NDST3: variants seen among roughly 807,000 people sequenced by gnomAD.
The protein encoded by NDST3 is N-deacetylase and N-sulfotransferase 3, also known as bifunctional heparan sulfate N-deacetylase/N-sulfotransferase 3.
In NDST3, 58 loss-of-function variants were observed where a neutral mutation model predicts 96.1. The ratio of observed to expected loss-of-function variants is 0.60; its 90% CI spans 0.49 to 0.75. The LOEUF is 0.75. NDST3 is among the 30% of genes least tolerant of loss of function. The pLI is 0.00. For synonymous variants in NDST3, 333 were observed against 359.7 expected (o/e 0.93, Z 0.84); for missense variants, 788 against 1,034.2 (o/e 0.76, Z 3.27).
At chr4:118,058,624 TGTGTGTGTGTGCGC>T (rs1323277250) in intron 2 of NDST3, among the ~76,000 whole-genome samples, 959 of 41,308 alleles carry the variant, frequency 0.023, 17 homozygotes, top group African/African-American at 0.037. Context: ...TGTGTGTGTG[TGTGTGTGTGTGCGC>T]GCGCGCGCAC....
chr4:118,239,912 C>T (rs1740904154), intron 10 of NDST3, among the ~76,000 whole-genome samples: 2 of 148,798 alleles, frequency 1.3e-5, no homozygotes, highest in Admixed American at 6.6e-5. Flanking sequence ...CTGCTTTCTG[C>T]ATTTTCTGCA....
intron 6 of NDST3, among the ~76,000 whole-genome samples, chr4:118,178,854 T>A (rs570946359): frequency 5.3e-5 from 8 of 152,072 alleles, no homozygotes; most frequent in Non-Finnish European, 8.8e-5. Context: ...TTATTTCCTG[T>A]TGCTTTGATA....
intron 2 of NDST3, chr4:118,055,742 G>C (rs1201978435): frequency 6.6e-6 from 1 of 151,776 alleles, no homozygotes; most frequent in Non-Finnish European, 1.5e-5. Context: ...TGAGACTTTT[G>C]ATACATAGTT....
At chr4:118,136,908 C>G (rs1042670714) in intron 4 of NDST3, among the ~76,000 whole-genome samples, 2 of 152,064 alleles carry the variant, frequency 1.3e-5, no homozygotes, top group Non-Finnish European at 2.9e-5. Flanking sequence ...ATTTTGAGGG[C>G]CTTTTATGCT....
At chr4:118,044,430 G>A (rs2110430795) in intron 1 of NDST3, among the ~76,000 whole-genome samples, 1 of 152,342 alleles carries the variant, frequency 6.6e-6, no homozygotes, top group South Asian at 2.1e-4. Flanking sequence ...GGCATGCCAA[G>A]TTCTTGTCCC....
At chr4:118,213,482 A>G (rs1449880094) in intron 6 of NDST3, among the ~76,000 whole-genome samples, 2 of 152,210 alleles carry the variant, frequency 1.3e-5, no homozygotes, top group Admixed American at 6.5e-5. Flanking sequence ...GTTTACAACA[A>G]TAAAAATTAT....
chr4:118,135,894 AT>A (rs1733044550), intron 4 of NDST3, among the ~76,000 whole-genome samples: 1 of 152,178 alleles, frequency 6.6e-6, no homozygotes, highest in East Asian at 1.9e-4. Flanking sequence ...TAACTAATTA[AT>A]TAAAAATTGC....
intron 11 of NDST3, among the ~76,000 whole-genome samples, chr4:118,241,829 C>T (rs778874036): frequency 2.0e-5 from 3 of 152,098 alleles, no homozygotes; most frequent in Non-Finnish European, 2.9e-5. Context: ...AGTGTGACTT[C>T]TCAGACTGCA....
chr4:118,144,303 C>A (rs1733786098), intron 6 of NDST3, among the ~76,000 whole-genome samples: 1 of 152,000 alleles, frequency 6.6e-6, no homozygotes, highest in Non-Finnish European at 1.5e-5. Flanking sequence ...GCCTCAGCCT[C>A]CCGAGTAGCT....
At chr4:118,158,008 G>A (rs1378918197) in intron 6 of NDST3, among the ~76,000 whole-genome samples, 1 of 151,978 alleles carries the variant, frequency 6.6e-6, no homozygotes, top group Non-Finnish European at 1.5e-5. Context: ...TGTATTGTCA[G>A]ATAGAAAAAA....
chr4:118,044,964 C>A (rs1177788987), intron 1 of NDST3, among the ~76,000 whole-genome samples: 1 of 152,194 alleles, frequency 6.6e-6, no homozygotes, highest in Non-Finnish European at 1.5e-5. Flanking sequence ...CACCTCCCAA[C>A]ACTGTTGCAT....
intron 6 of NDST3, among the ~76,000 whole-genome samples, chr4:118,169,978 T>A (rs991009735): frequency 1.3e-5 from 2 of 152,230 alleles, no homozygotes; most frequent in East Asian, 1.9e-4. Context: ...GGGGCTTATC[T>A]GGGTCTCTTC....
chr4:118,083,414 T>C (rs910470414), intron 2 of NDST3, among the ~76,000 whole-genome samples: 5 of 152,184 alleles, frequency 3.3e-5, no homozygotes, highest in African/African-American at 4.8e-5. Flanking sequence ...TTAAATGAGA[T>C]AGTCCATGTA....
intron 1 of NDST3, among the ~76,000 whole-genome samples, chr4:118,050,134 T>G (rs529646700): frequency 1.3e-5 from 2 of 152,174 alleles, no homozygotes; most frequent in Non-Finnish European, 2.9e-5. Context: ...AGCAAAGCCA[T>G]ATGATCATCT....
intron 2 of NDST3, among the ~76,000 whole-genome samples, chr4:118,095,322 C>T (rs1228992548): frequency 1.3e-5 from 2 of 151,734 alleles, no homozygotes; most frequent in Non-Finnish European, 2.9e-5. Context: ...AATATAAGGC[C>T]TAAGGCAAGG....
At chr4:118,251,904 T>C (rs1344686112) in intron 12 of NDST3, among the ~76,000 whole-genome samples, 1 of 152,204 alleles carries the variant, frequency 6.6e-6, no homozygotes. Flanking sequence ...TTTAAAAGTA[T>C]CTAGTCTTCT....
At chr4:118,236,882 G>C (rs1740681479) in intron 9 of NDST3, among the ~76,000 whole-genome samples, 164 bp from the exon 10 acceptor site, 1 of 152,090 alleles carries the variant, frequency 6.6e-6, no homozygotes, top group Admixed American at 6.6e-5. Flanking sequence ...CACATTATTA[G>C]TGTTCTAGAT....
At chr4:118,253,064 C>T (rs1741858938) in intron 12 of NDST3, among the ~76,000 whole-genome samples, 1 of 152,142 alleles carries the variant, frequency 6.6e-6, no homozygotes, top group Non-Finnish European at 1.5e-5. Context: ...CTATTACCTT[C>T]TAGTTGTATG....
At chr4:118,092,662 G>A (rs1472411010) in intron 2 of NDST3, among the ~76,000 whole-genome samples, 3 of 151,692 alleles carry the variant, frequency 2.0e-5, no homozygotes, top group African/African-American at 7.3e-5. Flanking sequence ...CAGGTCAGAA[G>A]CATTAATTAA....
Sources: allele counts gnomAD v4.1 joint callset (sites outside exome capture counted in the v4.1 genomes callset), GRCh38; gene constraint gnomAD v4.1.1; transcripts MANE v1.5; gene names NCBI Gene and HGNC (gene_info 2026-07-23, HGNC 2026-07-21).